Variants in LINGO2 observed in about 807,000 individuals in gnomAD.
LINGO2 encodes leucine-rich repeat and immunoglobulin-like domain-containing nogo receptor-interacting protein 2.
In LINGO2, 14 loss-of-function variants were observed where a neutral mutation model predicts 30.6. The ratio of observed to expected loss-of-function variants is 0.46; its 90% CI spans 0.30 to 0.72. LINGO2 has a LOEUF of 0.72. Among genes scored for constraint, LINGO2 ranks in the 30% least tolerant of loss-of-function variants. The pLI is 0.07. For synonymous variants in LINGO2, 317 were observed against 288.5 expected (o/e 1.10, Z -1.00); for missense variants, 729 against 751.7 (o/e 0.97, Z 0.35).
At chr9:28,801,974 C>T in the LINGO2 span, among the ~76,000 whole-genome samples, 84 of 151,880 alleles carry the variant, frequency 5.5e-4, 2 homozygotes, top group South Asian at 0.016. Flanking sequence ...ATTAAATGCT[C>T]ACATATAGTT....
intron 1 of LINGO2, among the ~76,000 whole-genome samples, chr9:28,637,552 G>A (rs1245944793): frequency 6.6e-6 from 1 of 152,094 alleles, no homozygotes; most frequent in African/African-American, 2.4e-5. Context: ...TTGTAAGTTG[G>A]ATTCCTAAGT....
chr9:29,200,388 A>G, the LINGO2 span, among the ~76,000 whole-genome samples: 42,082 of 152,052 alleles, frequency 0.28, 7,086 homozygotes, highest in Admixed American at 0.37. Context: ...GTAACTATTC[A>G]ATCTTAATCT....
chr9:28,373,458 T>C (rs1050836822), intron 2 of LINGO2, among the ~76,000 whole-genome samples: 1 of 152,206 alleles, frequency 6.6e-6, no homozygotes, highest in Admixed American at 6.5e-5. Context: ...ATGCTGAATA[T>C]TCAAACTGCA....
chr9:28,487,611 T>C (rs1025215713), intron 1 of LINGO2, among the ~76,000 whole-genome samples: 3 of 152,104 alleles, frequency 2.0e-5, no homozygotes, highest in Admixed American at 6.6e-5. Flanking sequence ...CAATGAAAGG[T>C]TGAATAAAGT....
rs1020433927 is a variant in LINGO2 at position 28,289,072 on chromosome 9, A to G, written c.-87+6136T>C. ...AGAAAAATTGCTTCTAAGCTTAGGGACAGTACAAATTTTTATAGTTTTGTT... is the reference window on the plus strand; with the variant it reads ...AGAAAAATTGCTTCTAAGCTTAGGGGCAGTACAAATTTTTATAGTTTTGTT... On this transcript the variant is annotated intron_variant, in intron 4 of 5. Transcript: ENST00000379992. Among the ~76,000 whole-genome samples, 8 of 152,186 alleles carry G rather than the reference A, an allele frequency of 5.3e-5. No homozygotes were observed. The East Asian group carries it at 1.3e-3, about 26-fold the overall frequency.
intron 2 of LINGO2, among the ~76,000 whole-genome samples, chr9:28,449,511 T>C (rs1174392336): frequency 6.6e-6 from 1 of 152,078 alleles, no homozygotes; most frequent in African/African-American, 2.4e-5. Flanking sequence ...CTACTTAAAG[T>C]AGGAAAAACA....
intron 4 of LINGO2, among the ~76,000 whole-genome samples, chr9:28,277,128 C>T (rs1823142470): frequency 6.6e-6 from 1 of 152,124 alleles, no homozygotes; most frequent in Non-Finnish European, 1.5e-5. Flanking sequence ...CTGTATTGAG[C>T]AAGTTTATTG....
At chr9:28,046,523 G>T (rs918200749) in intron 4 of LINGO2, among the ~76,000 whole-genome samples, 1 of 151,944 alleles carries the variant, frequency 6.6e-6, no homozygotes, top group African/African-American at 2.4e-5. Flanking sequence ...GAATACTTTT[G>T]TAACTTTTTC....
chr9:29,019,712 C>A, the LINGO2 span, among the ~76,000 whole-genome samples: 4 of 152,074 alleles, frequency 2.6e-5, no homozygotes, highest in African/African-American at 4.8e-5. Context: ...GTTGGTGGCA[C>A]TGGATTAAAA....
the LINGO2 span, among the ~76,000 whole-genome samples, chr9:29,139,547 G>A: frequency 1.0e-3 from 154 of 152,190 alleles, 3 homozygotes; most frequent in East Asian, 0.027. Context: ...GTCCCATACT[G>A]TTGTTACCCA....
the LINGO2 span, among the ~76,000 whole-genome samples, chr9:28,992,533 C>A: frequency 5.3e-5 from 8 of 152,056 alleles, no homozygotes; most frequent in Non-Finnish European, 1.2e-4. Flanking sequence ...ATGTACAGAA[C>A]TCTCCACCCC....
At position 28,305,422 on chromosome 9, in the gene LINGO2, A is replaced by C. The variant is rs368297366; in HGVS notation, c.-245-10056T>G. Among the ~76,000 whole-genome samples, 57 of 152,110 alleles carry C rather than the reference A, an allele frequency of 3.7e-4. 1 individual carries two copies. In the South Asian group the frequency reaches 9.9e-3, roughly 27 times the overall value. On this transcript the variant is annotated intron_variant, in intron 3 of 5. Transcript: ENST00000379992. ...ATCCAAATTAGAAAGAAAAATGTTA[A>C]AACTGCCTTTATTTGCAGATGATTG...
intron 1 of LINGO2, among the ~76,000 whole-genome samples, chr9:28,614,014 A>G (rs923437840): frequency 6.6e-6 from 1 of 152,150 alleles, no homozygotes; most frequent in Non-Finnish European, 1.5e-5. Context: ...ATTCTAAAAG[A>G]GGCAAAGGGC....
At chr9:29,113,962 G>GA in the LINGO2 span, among the ~76,000 whole-genome samples, 86 of 145,188 alleles carry the variant, frequency 5.9e-4, no homozygotes, top group Admixed American at 6.9e-4. Context: ...AAAGCTTTAG[G>GA]AAAAAAAAAA....
the LINGO2 span, among the ~76,000 whole-genome samples, chr9:28,751,445 AG>A: frequency 2.8e-3 from 423 of 152,132 alleles, 8 homozygotes; most frequent in African/African-American, 9.2e-3. Context: ...ATATTTCAAG[AG>A]AAACTGCATT....
intron 4 of LINGO2, among the ~76,000 whole-genome samples, chr9:28,264,057 T>C (rs1822660126): frequency 7.9e-6 from 1 of 126,868 alleles, no homozygotes; most frequent in African/African-American, 2.5e-5. Flanking sequence ...ACAGTTCTGC[T>C]GTGAAGTAAA....
chr9:28,340,640 T>C (rs1314857670), intron 3 of LINGO2, among the ~76,000 whole-genome samples: 1 of 152,154 alleles, frequency 6.6e-6, no homozygotes, highest in African/African-American at 2.4e-5. Context: ...TGTTGGTTTA[T>C]TCAAAACTCA....
At chr9:27,948,812 C>T (rs374218771) in exon 6 of LINGO2, 2 of 1,566,374 alleles carry the variant, frequency 1.3e-6, no homozygotes, top group Non-Finnish European at 1.7e-6. Context: ...TACTGATTAC[C>T]CACATTGACA....
intron 3 of LINGO2, among the ~76,000 whole-genome samples, chr9:28,311,858 A>G (rs902913359): frequency 6.6e-6 from 1 of 152,252 alleles, no homozygotes; most frequent in African/African-American, 2.4e-5. Context: ...ATAGGAAATC[A>G]CAAGGGTATT....
Sources: allele counts gnomAD v4.1 joint callset (sites outside exome capture counted in the v4.1 genomes callset), GRCh38; gene constraint gnomAD v4.1.1; transcripts MANE v1.5; gene names NCBI Gene and HGNC (gene_info 2026-07-23, HGNC 2026-07-21).